The following TLK2 variants were observed in gnomAD, a reference collection of about 807,000 sequenced individuals.
TLK2 encodes tousled like kinase 2.
A neutral mutation model predicts 117.3 loss-of-function variants in TLK2; 6 were observed. The ratio of observed to expected loss-of-function variants is 0.05; its 90% confidence interval spans 0.03 to 0.10. The LOEUF is 0.10. TLK2 is among the 10% of genes least tolerant of loss of function. The pLI is 1.00. For synonymous variants in TLK2, 257 were observed against 316.7 expected, an observed-to-expected ratio of 0.81 and a Z score of 2.00; for missense variants, 299 against 901.2, an observed-to-expected ratio of 0.33 and a Z score of 8.56.
rs1287205260 is a variant in TLK2, at chr17:62,565,111, T to C, written c.942T>C (p.Asp314=). ...CCTCATTTACTGAACAGTGGACAGA[T>C]GGTTATGCTTTTCAGAATCTTATCA... ...HGASFTEQWT[D]GYAFQNLIKQ... The change falls in exon 11 of 22, where the codon GAT becomes GAC. Residue 314 remains aspartate, a synonymous_variant. Coordinates refer to ENST00000346027, the MANE Select transcript of TLK2 (RefSeq NM_006852.6). The C allele has an allele frequency of 1.9e-6, 3 of 1,610,494 alleles. No homozygotes were observed. The highest frequency in any genetic ancestry group is 2.5e-6 in the Non-Finnish European group (3 of 1,179,288).
At chr17:62,476,349 C>T (rs1249900091), upstream of TLK2, among the ~76,000 whole-genome samples, 2 of 150,806 alleles carry the variant, frequency 1.3e-5, no homozygotes, top group African/African-American at 4.9e-5. Context: ...TTTGGGAGGC[C>T]GAGGTGGGCG....
intron 7 of TLK2, chr17:62,549,779 G>A (rs964358157): frequency 8.6e-5 from 13 of 150,956 alleles, no homozygotes; most frequent in Non-Finnish European, 1.6e-4. Context: ...CTCCTGAGTA[G>A]CTGGGATTAC....
chr17:62,504,179 G>A (rs2074464156), intron 2 of TLK2, among the ~76,000 whole-genome samples: 1 of 152,142 alleles, frequency 6.6e-6, no homozygotes, highest in African/African-American at 2.4e-5. Flanking sequence ...GGTCCATGCA[G>A]GACTCCCATA....
At chr17:62,560,577 T>C (rs1281034122) in intron 10 of TLK2, among the ~76,000 whole-genome samples, 1 of 152,194 alleles carries the variant, frequency 6.6e-6, no homozygotes, top group Non-Finnish European at 1.5e-5. Context: ...TGCATATGAT[T>C]ACTTAATTGG....
intron 2 of TLK2, among the ~76,000 whole-genome samples, chr17:62,499,815 C>T (rs774787105): frequency 6.6e-6 from 1 of 150,532 alleles, no homozygotes; most frequent in African/African-American, 2.4e-5. Context: ...CGTGCAATTG[C>T]ACTCTAGCCT....
intron 2 of TLK2, among the ~76,000 whole-genome samples, chr17:62,493,204 T>C (rs1396589109): frequency 6.6e-6 from 1 of 152,262 alleles, no homozygotes; most frequent in Non-Finnish European, 1.5e-5. Context: ...TAGGTACTAA[T>C]GTGAATGAAA....
At chr17:62,594,472 C>T (rs1250201888) in intron 16 of TLK2, among the ~76,000 whole-genome samples, 1 of 152,118 alleles carries the variant, frequency 6.6e-6, no homozygotes, top group African/African-American at 2.4e-5. Context: ...TTGGAAACTA[C>T]AACTTTAAGG....
At chr17:62,482,455 T>G (rs1222660013) in intron 2 of TLK2, among the ~76,000 whole-genome samples, 2 of 147,622 alleles carry the variant, frequency 1.4e-5, no homozygotes, top group Non-Finnish European at 3.0e-5. Context: ...AGGGTTTTGT[T>G]TTTTTTTTTT....
At chr17:62,490,177 C>G (rs2072956074) in intron 2 of TLK2, among the ~76,000 whole-genome samples, 1 of 152,210 alleles carries the variant, frequency 6.6e-6, no homozygotes, top group African/African-American at 2.4e-5. Flanking sequence ...TTGCTTCTGT[C>G]TTATTCTGTC....
intron 6 of TLK2, among the ~76,000 whole-genome samples, chr17:62,525,883 T>C (rs964115417): frequency 6.6e-6 from 1 of 152,244 alleles, no homozygotes; most frequent in African/African-American, 2.4e-5. Context: ...CCAATTAAAG[T>C]CTAAAAGATA....
chr17:62,488,985 T>A (rs2072799725), intron 2 of TLK2, among the ~76,000 whole-genome samples: 1 of 151,572 alleles, frequency 6.6e-6, no homozygotes, highest in Non-Finnish European at 1.5e-5. Flanking sequence ...ACCACCACAC[T>A]TGAATAATTT....
At chr17:62,557,737 C>T (rs1458781537) in intron 9 of TLK2, among the ~76,000 whole-genome samples, 1 of 152,242 alleles carries the variant, frequency 6.6e-6, no homozygotes, top group Admixed American at 6.5e-5. Context: ...GAATTGTGGG[C>T]GTGCCTTTCT....
intron 9 of TLK2, among the ~76,000 whole-genome samples, chr17:62,555,639 C>T (rs1316698756): frequency 5.3e-5 from 8 of 151,890 alleles, no homozygotes; most frequent in East Asian, 1.9e-4. Context: ...CCCGCCACCA[C>T]GCCCAGCTAA....
In TLK2 at chr17:62,481,214, A is replaced by G. The variant is rs2071600638; in HGVS notation, c.81+8A>G. The G allele has an allele frequency of 6.2e-7, 1 of 1,613,778 alleles. No individual in the cohort carries two copies. Among genetic ancestry groups the G allele is most frequent in the Non-Finnish European group, 8.5e-7 (1 of 1,179,724 alleles). Reference sequence around the variant, plus strand: ...GGAGTAGGTGTTAGTAAGGTGAGTAAAATGATGATCATGAACACTATTCAT... The same window carrying G: ...GGAGTAGGTGTTAGTAAGGTGAGTAGAATGATGATCATGAACACTATTCAT... On this transcript the variant is annotated splice_region_variant and intron_variant, in intron 2 of 21. Coordinates refer to ENST00000346027, the MANE Select transcript of TLK2 (RefSeq NM_006852.6).
chr17:62,476,697 G>C (rs2071054761), upstream of TLK2, among the ~76,000 whole-genome samples: 2 of 152,186 alleles, frequency 1.3e-5, no homozygotes, highest in South Asian at 4.1e-4. Flanking sequence ...TGGCTTGTCT[G>C]TGGAAAGAGC....
chr17:62,534,798 C>G (rs2076993672), intron 6 of TLK2, among the ~76,000 whole-genome samples: 2 of 150,232 alleles, frequency 1.3e-5, no homozygotes, highest in African/African-American at 4.9e-5. Flanking sequence ...TTGAAAGGGT[C>G]TCCAGTCTTA....
intron 10 of TLK2, among the ~76,000 whole-genome samples, chr17:62,560,731 G>C (rs182709062): frequency 6.8e-6 from 1 of 147,954 alleles, no homozygotes; most frequent in Non-Finnish European, 1.5e-5. Flanking sequence ...TCAGCACACT[G>C]TAGCCTTCGC....
At chr17:62,493,764 CTT>C in intron 2 of TLK2, among the ~76,000 whole-genome samples, 1 of 147,208 alleles carries the variant, frequency 6.8e-6, no homozygotes, top group Middle Eastern at 3.5e-3. Flanking sequence ...ATAGGATAGT[CTT>C]TTTTTTTTTG....
chr17:62,512,860 TA>T (rs370602713), intron 2 of TLK2, among the ~76,000 whole-genome samples: 1 of 102,006 alleles, frequency 9.8e-6, no homozygotes, highest in African/African-American at 3.0e-5. Flanking sequence ...AAAAATTTAT[TA>T]ATTATTATTA....
Sources: gnomAD v4.1 joint callset for allele counts (sites outside exome capture counted in the v4.1 genomes callset) on GRCh38, gnomAD v4.1.1 for gene constraint, MANE v1.5 for transcripts, NCBI Gene and HGNC (gene_info 2026-07-23, HGNC 2026-07-21) for gene names.